The following KCTD1 variants were observed in gnomAD, a reference collection of about 807,000 sequenced individuals.
KCTD1 encodes the protein BTB/POZ domain-containing protein KCTD1.
KCTD1 carries 24 observed loss-of-function variants against 66.0 expected under a neutral mutation model. That is an observed-to-expected ratio of 0.36 (90% CI 0.26 to 0.51). The LOEUF is 0.51. Among genes scored for constraint, KCTD1 ranks in the 20% least tolerant of loss-of-function variants. KCTD1 has a pLI of 0.95. For missense variants in KCTD1, 943 were observed against 1,205.2 expected, an observed-to-expected ratio of 0.78 and a Z score of 3.22; for synonymous variants, 511 against 517.2, an observed-to-expected ratio of 0.99 and a Z score of 0.16.
At chr18:26,474,217 T>G (rs554166368) in intron 3 of KCTD1, among the ~76,000 whole-genome samples, 5 of 152,350 alleles carry the variant, frequency 3.3e-5, no homozygotes, top group African/African-American at 9.6e-5. Context: ...TTTAAACTAG[T>G]CTATAGCATG....
intron 1 of KCTD1, among the ~76,000 whole-genome samples, chr18:26,524,776 A>G (rs2144756385): frequency 6.6e-6 from 1 of 152,272 alleles, no homozygotes; most frequent in East Asian, 1.9e-4. Flanking sequence ...TAGGAGGCAG[A>G]GTCATTTTTC....
rs550036111 is a variant in KCTD1 at position 26,599,627 on chromosome 18, C to T, written c.-16+29520G>A. 1.2e-5 allele frequency: 18 copies of T among 1,474,988 alleles called. No individual in the cohort carries two copies. In the African/African-American group the frequency reaches 2.2e-4, roughly 18 times the overall value. 91.4% of individuals were successfully genotyped at this position (1,474,988 alleles called of 1,614,324 possible). On this transcript the variant is annotated intron_variant, in intron 1 of 4. Transcript: ENST00000317932. ...TTTAGTCCCGGGAAGCACCACTCTG[C>T]ACAGTGCTGAGATTTTGGCTGAAAT... is the stretch of plus-strand genomic sequence containing the variant.
intron 1 of KCTD1, among the ~76,000 whole-genome samples, chr18:26,586,638 G>A (rs2144935012): frequency 6.6e-6 from 1 of 152,294 alleles, no homozygotes; most frequent in South Asian, 2.1e-4. Flanking sequence ...TGAATGCAAA[G>A]GAAAAGATTT....
At chr18:26,623,189 A>G (rs930494663) in intron 1 of KCTD1, among the ~76,000 whole-genome samples, 2 of 152,084 alleles carry the variant, frequency 1.3e-5, no homozygotes, top group Non-Finnish European at 2.9e-5. Flanking sequence ...TCTTCTCACT[A>G]AGTCTGCAAA....
chr18:26,572,813 T>C (rs1213561119), intron 1 of KCTD1, among the ~76,000 whole-genome samples: 3 of 152,116 alleles, frequency 2.0e-5, no homozygotes, highest in African/African-American at 7.2e-5. Flanking sequence ...GGACATAAAA[T>C]CTCAAGATAG....
chr18:26,656,300 T>C lies in KCTD1; in HGVS notation c.9+1060A>G, dbSNP rs540493966. Among the ~76,000 whole-genome samples, 75 of 152,030 alleles carry C rather than the reference T, an allele frequency of 4.9e-4. No homozygotes were observed. The East Asian group carries it at 0.013, about 27-fold the overall frequency. On this transcript the variant is annotated intron_variant, in intron 1 of 4. Transcript: ENST00000580191. ...GCCATTACCTGCAGCGCTCGCATCC[T>C]TCCCCCGTCCCAGCGCCGCCCCCAC...
intron 1 of KCTD1, among the ~76,000 whole-genome samples, chr18:26,618,830 G>T (rs1305346141): frequency 6.6e-6 from 1 of 152,138 alleles, no homozygotes; most frequent in African/African-American, 2.4e-5. Flanking sequence ...CCGATATTTG[G>T]AAAACTATGC....
chr18:26,487,764 G>A (rs1567964842), intron 2 of KCTD1, among the ~76,000 whole-genome samples: 1 of 152,120 alleles, frequency 6.6e-6, no homozygotes, highest in Admixed American at 6.5e-5. Flanking sequence ...TTACCTAGAC[G>A]CCCCAAGCCA....
intron 1 of KCTD1, among the ~76,000 whole-genome samples, chr18:26,505,010 A>G (rs1982958761): frequency 6.6e-6 from 1 of 152,256 alleles, no homozygotes; most frequent in African/African-American, 2.4e-5. Context: ...GACACACTGC[A>G]TCAGCCATCT....
At chr18:26,479,538 G>C (rs893641448) in intron 2 of KCTD1, among the ~76,000 whole-genome samples, 1 of 152,260 alleles carries the variant, frequency 6.6e-6, no homozygotes, top group Non-Finnish European at 1.5e-5. Context: ...GAGCAGGCAA[G>C]GGGTGTGGAG....
intron 1 of KCTD1, among the ~76,000 whole-genome samples, chr18:26,588,405 G>A (rs1279072577): frequency 6.6e-6 from 1 of 152,130 alleles, no homozygotes; most frequent in Admixed American, 6.6e-5. Context: ...GGAACCCCCG[G>A]GGTCCCTGGA....
At chr18:26,486,935 C>T (rs1981948343) in intron 2 of KCTD1, among the ~76,000 whole-genome samples, 1 of 152,208 alleles carries the variant, frequency 6.6e-6, no homozygotes, top group African/African-American at 2.4e-5. Flanking sequence ...AGAGGCTTAA[C>T]ACAGCGCTTA....
At chr18:26,526,700 G>A (rs1449064208) in intron 1 of KCTD1, among the ~76,000 whole-genome samples, 1 of 152,120 alleles carries the variant, frequency 6.6e-6, no homozygotes, top group African/African-American at 2.4e-5. Context: ...GACCCAGGAG[G>A]GGCTCAGTCA....
At chr18:26,464,960 T>C (rs1980640805) in intron 3 of KCTD1, among the ~76,000 whole-genome samples, 1 of 152,238 alleles carries the variant, frequency 6.6e-6, no homozygotes, top group Non-Finnish European at 1.5e-5. Flanking sequence ...CTTACTTTCC[T>C]TTGGTTTTAA....
chr18:26,619,399 T>C (rs1191985375), intron 1 of KCTD1, among the ~76,000 whole-genome samples: 1 of 152,250 alleles, frequency 6.6e-6, no homozygotes, highest in African/African-American at 2.4e-5. Flanking sequence ...TTCCATACTA[T>C]TACTTCCCAA....
At chr18:26,568,856 T>G (rs888270449) in intron 1 of KCTD1, among the ~76,000 whole-genome samples, 1 of 152,222 alleles carries the variant, frequency 6.6e-6, no homozygotes, top group Non-Finnish European at 1.5e-5. Flanking sequence ...TTGTTGATAC[T>G]GTTGAAAATA....
chr18:26,613,610 TA>T (rs1279621012), intron 1 of KCTD1, among the ~76,000 whole-genome samples: 1 of 152,164 alleles, frequency 6.6e-6, no homozygotes, highest in Admixed American at 6.5e-5. Flanking sequence ...CACAGAAAGC[TA>T]AAACATACAC....
chr18:26,558,468 G>T (rs982911198), intron 1 of KCTD1, among the ~76,000 whole-genome samples: 4 of 152,164 alleles, frequency 2.6e-5, no homozygotes, highest in African/African-American at 4.8e-5. Context: ...ATACCCAAAA[G>T]ATAGGAAATC....
chr18:26,580,511 G>T (rs1478829490), intron 1 of KCTD1, among the ~76,000 whole-genome samples: 1 of 152,158 alleles, frequency 6.6e-6, no homozygotes, highest in African/African-American at 2.4e-5. Context: ...CTCAGCCTGC[G>T]TTGGTGTGGA....
Sources: allele counts gnomAD v4.1 joint callset (sites outside exome capture counted in the v4.1 genomes callset), GRCh38; gene constraint gnomAD v4.1.1; transcripts MANE v1.5; gene names NCBI Gene and HGNC (gene_info 2026-07-23, HGNC 2026-07-21).